Variants in NEK5 observed in about 807,000 individuals in gnomAD.
NEK5 encodes serine/threonine-protein kinase Nek5.
A neutral mutation model predicts 109.2 loss-of-function variants in NEK5; 88 were observed. The ratio of observed to expected loss-of-function variants is 0.81; its 90% confidence interval spans 0.68 to 0.96. NEK5 has a LOEUF of 0.96. Among genes scored for constraint, NEK5 ranks in the 40% least tolerant of loss-of-function variants. The probability of loss-of-function intolerance (pLI) is 0.00; values close to 1 mark genes in which losing one functional copy is unlikely to be tolerated. For missense variants in NEK5, 834 were observed against 920.7 expected (o/e 0.91, Z 1.22); for synonymous variants, 283 against 299.9 (o/e 0.94, Z 0.58).
chr13:52,045,795 CT>C (rs1371762859), intron 23 of NEK5, among the ~76,000 whole-genome samples: 2 of 132,798 alleles, frequency 1.5e-5, no homozygotes, highest in African/African-American at 5.5e-5. Flanking sequence ...AAGTTGGGAC[CT>C]GCACGGTGGC....
chr13:52,067,881 G>A (rs1007716038), intron 20 of NEK5, among the ~76,000 whole-genome samples: 1 of 151,794 alleles, frequency 6.6e-6, no homozygotes, highest in Non-Finnish European at 1.5e-5. Context: ...TAGTAGAGAT[G>A]GGCTTTAGCC....
chr13:52,073,442 A>C (rs1193279207), intron 19 of NEK5, among the ~76,000 whole-genome samples: 1 of 151,826 alleles, frequency 6.6e-6, no homozygotes, highest in Non-Finnish European at 1.5e-5. Flanking sequence ...CAGCCTCCTA[A>C]GTAGCTGAGA....
chr13:52,079,484 T>C (rs1189871681), intron 17 of NEK5, among the ~76,000 whole-genome samples: 1 of 152,242 alleles, frequency 6.6e-6, no homozygotes, highest in East Asian at 1.9e-4. Flanking sequence ...ATTTTTTTGG[T>C]GGAGACGGGG....
In NEK5 at chr13:52,101,953, T is replaced by C. The variant is rs1301993881; in HGVS notation, c.872A>G (p.His291Arg). The change falls in exon 11 of 24, where the codon CAT becomes CGT. Residue 291 changes from histidine to arginine, a missense_variant. By Grantham distance (29) the His-to-Arg change is conservative (BLOSUM62 0). Coordinates refer to ENST00000684899, the MANE Select transcript of NEK5 (RefSeq NM_001365552.1). Reference sequence around the variant, plus strand: ...CTTACTCTGGACCACCTTCCCAGCATGTCGAGAAGCTGGCGCTCCTGCTCT... The same window carrying C: ...CTTACTCTGGACCACCTTCCCAGCACGTCGAGAAGCTGGCGCTCCTGCTCT... ...ICRAGAPASRHAGKVVQKCKI... is the reference protein window; with the variant it reads ...ICRAGAPASRRAGKVVQKCKI... 1.9e-6 allele frequency: 3 copies of C among 1,614,058 alleles called. No individual in the cohort carries two copies. Among genetic ancestry groups the C allele is most frequent in the Non-Finnish European group, 2.5e-6 (3 of 1,179,996 alleles).
intron 7 of NEK5, 79 bp downstream of exon 7, chr13:52,110,261 T>A (rs2138060093): frequency 1.1e-6 from 1 of 917,082 alleles, no homozygotes. Context: ...GATTTTAATA[T>A]CTTCTTAATC....
intron 8 of NEK5, among the ~76,000 whole-genome samples, chr13:52,106,449 C>A (rs1450210378): frequency 2.0e-5 from 3 of 152,048 alleles, no homozygotes; most frequent in Non-Finnish European, 2.9e-5. Flanking sequence ...TCCTCTTCAC[C>A]TTTTCTTGCA....
chr13:52,043,181 A>G (rs949972699), intron 23 of NEK5, among the ~76,000 whole-genome samples: 1 of 152,154 alleles, frequency 6.6e-6, no homozygotes. Context: ...ATAGGAAAAA[A>G]AAGTGACAAT....
In NEK5 at chr13:52,111,179, T is replaced by C. The variant is rs1356431756; in HGVS notation, c.313-602A>G. The stretch of plus-strand genomic sequence containing the variant: ...TGAGCCTCTTTATGAAAATGTGTTC[T>C]ATGCCTACAGAGATTTATTTAAACT... On this transcript the variant is annotated intron_variant, in intron 5 of 23. Coordinates refer to ENST00000684899, the MANE Select transcript of NEK5 (RefSeq NM_001365552.1). Among the ~76,000 whole-genome samples the C allele has an allele frequency of 2.6e-5, 4 of 152,228 alleles. No individual in the cohort carries two copies. The South Asian group carries it at 6.2e-4, about 24-fold the overall frequency.
At chr13:52,053,282 C>T (rs1231833960) in intron 22 of NEK5, among the ~76,000 whole-genome samples, 3 of 151,710 alleles carry the variant, frequency 2.0e-5, no homozygotes, top group East Asian at 1.9e-4. Flanking sequence ...AGTGAGACTC[C>T]GTCTCAAAAA....
chr13:52,102,028 C>T lies in NEK5; in HGVS notation c.811-14G>A. 1 of 1,613,692 alleles carries T rather than the reference C, an allele frequency of 6.2e-7. No homozygotes were observed. Among genetic ancestry groups the T allele is most frequent in the Non-Finnish European group, 8.5e-7 (1 of 1,179,624 alleles). ...TTCCTGAATGACCTAAAACCGAACA[C>T]ACGTGTCAAGGACCTGCAACCCAAA... On this transcript the variant is annotated splice_polypyrimidine_tract_variant and intron_variant, in intron 10 of 23. Coordinates refer to ENST00000684899, the MANE Select transcript of NEK5 (RefSeq NM_001365552.1).
intron 23 of NEK5, among the ~76,000 whole-genome samples, chr13:52,041,587 G>A (rs1056428581): frequency 1.3e-5 from 2 of 151,714 alleles, no homozygotes; most frequent in Non-Finnish European, 2.9e-5. Flanking sequence ...AATTAGCTGG[G>A]CGTGGTGGCA....
At chr13:52,090,621 G>C (rs1955259658) in intron 13 of NEK5, among the ~76,000 whole-genome samples, 1 of 152,212 alleles carries the variant, frequency 6.6e-6, no homozygotes, top group African/African-American at 2.4e-5. Flanking sequence ...ACTGGCACAT[G>C]TATCAATATC....
intron 12 of NEK5, among the ~76,000 whole-genome samples, chr13:52,098,607 A>T (rs1027767134): frequency 7.2e-5 from 11 of 152,328 alleles, no homozygotes; most frequent in African/African-American, 2.6e-4. Context: ...ATCAATTATT[A>T]TATCATAAAA....
At chr13:52,105,332 G>C (rs75027160) in intron 8 of NEK5, among the ~76,000 whole-genome samples, 1,835 of 151,948 alleles carry the variant, frequency 0.012, 38 homozygotes, top group African/African-American at 0.043. Flanking sequence ...AAAGATGGTA[G>C]TAAGTACAAT....
chr13:52,038,663 CTGTG>C (rs1167240891), intron 23 of NEK5, among the ~76,000 whole-genome samples: 1 of 151,758 alleles, frequency 6.6e-6, no homozygotes, highest in Non-Finnish European at 1.5e-5. Flanking sequence ...TCATAAACTA[CTGTG>C]TTCAAACAAT....
At chr13:52,058,564 T>C (rs1478122060) in intron 22 of NEK5, among the ~76,000 whole-genome samples, 1 of 152,112 alleles carries the variant, frequency 6.6e-6, no homozygotes, top group East Asian at 1.9e-4. Context: ...ACTACAAGGC[T>C]ACAGTAACCA....
chr13:52,114,457 A>G (rs938060512), intron 4 of NEK5, among the ~76,000 whole-genome samples: 1 of 152,218 alleles, frequency 6.6e-6, no homozygotes, highest in African/African-American at 2.4e-5. Context: ...TTCACAAACC[A>G]TGCATCTTCT....
chr13:52,065,171 T>A, intron 21 of NEK5: 1 of 429,466 alleles, frequency 2.3e-6, no homozygotes, highest in African/African-American at 2.0e-5. Flanking sequence ...GCAAAAAAAG[T>A]TGTTGAGCTG....
chr13:52,070,574 C>T (rs906192806), intron 20 of NEK5, among the ~76,000 whole-genome samples: 2 of 152,178 alleles, frequency 1.3e-5, no homozygotes, highest in African/African-American at 4.8e-5. Flanking sequence ...TTGCCTGCTG[C>T]CATCCATGTA....
Sources: allele counts gnomAD v4.1 joint callset (sites outside exome capture counted in the v4.1 genomes callset), GRCh38; gene constraint gnomAD v4.1.1; transcripts MANE v1.5; gene names NCBI Gene and HGNC (gene_info 2026-07-23, HGNC 2026-07-21).